LMO3: variants seen among roughly 807,000 people sequenced by gnomAD.
The protein encoded by LMO3 is LIM domain only protein 3.
In LMO3, 2 loss-of-function variants were observed where a neutral mutation model predicts 15.8. That is an observed-to-expected ratio of 0.13 (90% CI 0.05 to 0.40). The LOEUF is 0.40. LMO3 is among the 10% of genes least tolerant of loss of function. LMO3 has a pLI of 0.99. For synonymous variants in LMO3, 62 were observed against 63.8 expected (o/e 0.97, Z 0.13); for missense variants, 86 against 182.2 (o/e 0.47, Z 3.04).
chr12:16,607,226 A>G (rs931726329), upstream of LMO3: 8 of 152,232 alleles, frequency 5.3e-5, no homozygotes, highest in African/African-American at 1.9e-4. Flanking sequence ...TTCTCCATTC[A>G]CTAATGCTGA....
In LMO3 at chr12:16,604,303, CT is replaced by C; in HGVS notation, c.-9+1762del. On this transcript the variant is annotated intron_variant, in intron 1 of 3. Coordinates refer to ENST00000537304, the MANE Select transcript of LMO3 (RefSeq NM_018640.5). This position sits in a 1 kb window ranked among gnomAD's most constrained non-coding sequence, Gnocchi z 5.3. ...TGTCCCCAGATCTCAGGCACTGGAG[CT>C]GCTTAACTCTGTTCTGCCCCTTCAA... Among the ~76,000 whole-genome samples the C allele has an allele frequency of 6.6e-6, 1 of 152,132 alleles. No individual in the cohort carries two copies. The highest frequency in any genetic ancestry group is 1.5e-5 in the Non-Finnish European group (1 of 68,028).
chr12:16,606,850 A>G (rs952031858), upstream of LMO3: 2 of 152,216 alleles, frequency 1.3e-5, no homozygotes, highest in African/African-American at 4.8e-5. Context: ...AACTCCTGCG[A>G]GAGAGCTCCG....
intron 2 of LMO3, chr12:16,594,207 T>G: frequency 6.5e-7 from 1 of 1,532,678 alleles, no homozygotes. Context: ...GTTACACAGA[T>G]TCCAATCTCT....
rs1413315957 is a variant in LMO3 at position 16,584,035 on chromosome 12, G to C, written c.206+16620C>G. Among the ~76,000 whole-genome samples, 2 of 152,172 alleles carry C rather than the reference G, an allele frequency of 1.3e-5. No individual in the cohort carries two copies. The highest frequency in any genetic ancestry group is 2.9e-5 in the Non-Finnish European group (2 of 68,020). ...GAAAAGACACTGTATATAATTCTGG[G>C]ATGGCAGGCTGATGTTCAGTAGGGT... On this transcript the variant is annotated intron_variant, in intron 2 of 3. Coordinates refer to ENST00000537304, the MANE Select transcript of LMO3 (RefSeq NM_018640.5). The surrounding 1 kb of genome is among the most constrained non-coding windows in gnomAD (Gnocchi z 5.2).
At chr12:16,563,845 T>C (rs547134212) in intron 2 of LMO3, among the ~76,000 whole-genome samples, 1 of 152,294 alleles carries the variant, frequency 6.6e-6, no homozygotes, top group South Asian at 2.1e-4. Context: ...AGGAAAAAAA[T>C]AAGCTCATTG....
chr12:16,604,597 A>T lies in LMO3; in HGVS notation c.-9+1469T>A. 2 of 520,804 alleles carry T rather than the reference A, an allele frequency of 3.8e-6. No individual in the cohort carries two copies. The highest frequency in any genetic ancestry group is 3.2e-5 in the East Asian group (1 of 31,686). 32.3% of individuals were successfully genotyped at this position (520,804 alleles called of 1,614,324 possible). Reference sequence around the variant, plus strand: ...AAAATAAGAAACATACATACACTCTAACAAAGAATCCCTTGCGGAGTTTAT... The same window carrying T: ...AAAATAAGAAACATACATACACTCTTACAAAGAATCCCTTGCGGAGTTTAT... On this transcript the variant is annotated intron_variant, in intron 1 of 3. Coordinates refer to ENST00000537304, the MANE Select transcript of LMO3 (RefSeq NM_018640.5). This position sits in a 1 kb window ranked among gnomAD's most constrained non-coding sequence, Gnocchi z 5.3.
intron 2 of LMO3, among the ~76,000 whole-genome samples, chr12:16,575,149 A>G (rs892988085): frequency 5.9e-5 from 9 of 152,226 alleles, no homozygotes; most frequent in Non-Finnish European, 1.2e-4. Context: ...ACTTAACATT[A>G]TGATGTCCGT....
In LMO3 at chr12:16,599,435, T is replaced by G. The variant is rs1219614419; in HGVS notation, c.206+1220A>C. 6.6e-6 allele frequency: 1 copy of G among 152,190 alleles called. No individual in the cohort carries two copies. Among genetic ancestry groups the G allele is most frequent in the East Asian group, 1.9e-4 (1 of 5,186 alleles). The allele number at this position is 152,190 out of a possible 1,614,324, so 9.4% of individuals were successfully genotyped here. ...ATTAATCAAATGATATATTTTTATA[T>G]CTAAAGATTGGATCTGACTGAAAAT... On this transcript the variant is annotated intron_variant, in intron 2 of 3. Coordinates refer to ENST00000537304, the MANE Select transcript of LMO3 (RefSeq NM_018640.5). The surrounding 1 kb of genome is among the most constrained non-coding windows in gnomAD (Gnocchi z 4.1).
At chr12:16,609,510 A>G (rs1160254012), upstream of LMO3, among the ~76,000 whole-genome samples, 1 of 151,948 alleles carries the variant, frequency 6.6e-6, no homozygotes, top group Non-Finnish European at 1.5e-5. Context: ...TGGTCCGATT[A>G]CCTTTTGCCT....
Position 16,604,786 on chromosome 12 carries a change from C to A in LMO3, c.-9+1280G>T, listed in dbSNP as rs1372102041. On this transcript the variant is annotated intron_variant, in intron 1 of 3. Transcript: ENST00000537304. This position sits in a 1 kb window ranked among gnomAD's most constrained non-coding sequence, Gnocchi z 5.3. ...TTCTTTCAGAAAGACACAAAAGCAGCGGAAAAGCAGAAAGGCTTTTGAGCG... is the reference window on the plus strand; with the variant it reads ...TTCTTTCAGAAAGACACAAAAGCAGAGGAAAAGCAGAAAGGCTTTTGAGCG... 13 of 1,466,956 alleles carry A rather than the reference C, an allele frequency of 8.9e-6. No homozygotes were observed. The highest frequency in any genetic ancestry group is 1.1e-5 in the Non-Finnish European group (12 of 1,063,974). 90.9% of individuals were successfully genotyped at this position (1,466,956 alleles called of 1,614,324 possible). A position where few individuals can be genotyped will look rare whatever the true frequency, so the allele number is the denominator to read the frequency against.
rs1941942228 is a variant in LMO3 at position 16,550,313 on chromosome 12, T to G, written c.*909A>C. ...AGAAGTTTAATTTATCACTTAAAAA[T>G]CATCTCATAATTGTGGTAACAGATT... On this transcript the variant is annotated 3_prime_UTR_variant, in exon 4 of 4. Transcript: ENST00000537304. The G allele has an allele frequency of 1.3e-5, 2 of 152,410 alleles. No homozygotes were observed. The highest frequency in any genetic ancestry group is 2.9e-5 in the Non-Finnish European group (2 of 67,894). The allele number at this position is 152,410 out of a possible 1,614,324, so 9.4% of individuals were successfully genotyped here.
chr12:16,571,699 A>C (rs972998477), intron 2 of LMO3, among the ~76,000 whole-genome samples: 4 of 152,028 alleles, frequency 2.6e-5, no homozygotes, highest in African/African-American at 9.7e-5. Flanking sequence ...CACTGACTCA[A>C]ATATGCAGAT....
intron 1 of LMO3, chr12:16,605,342 TG>T (rs1374067244): frequency 4.9e-5 from 57 of 1,156,420 alleles, no homozygotes; most frequent in Non-Finnish European, 5.7e-5. Flanking sequence ...CCGTAAAAAA[TG>T]TGCTGCATCA....
intron 2 of LMO3, chr12:16,594,306 C>T: frequency 6.9e-7 from 1 of 1,444,814 alleles, no homozygotes; most frequent in Non-Finnish European, 9.1e-7. Context: ...TAATCATATA[C>T]ACAAACCAAT....
chr12:16,561,067 T>G (rs747345568), intron 2 of LMO3, among the ~76,000 whole-genome samples: 8 of 152,150 alleles, frequency 5.3e-5, no homozygotes, highest in Non-Finnish European at 1.0e-4. Flanking sequence ...ATACCATAGT[T>G]ATAGCTATGA....
chr12:16,602,546 G>A (rs189329568), intron 1 of LMO3, among the ~76,000 whole-genome samples: 69 of 152,328 alleles, frequency 4.5e-4, no homozygotes, highest in African/African-American at 1.6e-3. Flanking sequence ...TGTAGTCACC[G>A]GAGCTGCAGA....
chr12:16,570,191 A>G (rs1942767495), intron 2 of LMO3, among the ~76,000 whole-genome samples: 1 of 152,172 alleles, frequency 6.6e-6, no homozygotes, highest in Non-Finnish European at 1.5e-5. Context: ...AGCTTTGTCT[A>G]CTTAAAATTG....
At chr12:16,574,639 C>T (rs561747862) in intron 2 of LMO3, among the ~76,000 whole-genome samples, 10 of 152,304 alleles carry the variant, frequency 6.6e-5, no homozygotes, top group Non-Finnish European at 1.0e-4. Context: ...CTTACTGACA[C>T]AATGGAGCTA....
At chr12:16,562,948 A>G (rs1274589300) in intron 2 of LMO3, among the ~76,000 whole-genome samples, 4 of 152,182 alleles carry the variant, frequency 2.6e-5, no homozygotes, top group Non-Finnish European at 5.9e-5. Context: ...GATTCTGCAT[A>G]TGTGATTTTT....
Sources: gnomAD v4.1 joint callset for allele counts (sites outside exome capture counted in the v4.1 genomes callset) on GRCh38, gnomAD v4.1.1 for gene constraint, Gnocchi (gnomAD v3.1) non-coding constraint, MANE v1.5 for transcripts, NCBI Gene and HGNC (gene_info 2026-07-23, HGNC 2026-07-21) for gene names.